The following KCNQ3 variants were observed in gnomAD, a reference collection of about 807,000 sequenced individuals.
KCNQ3 encodes potassium voltage-gated channel subfamily KQT member 3.
In KCNQ3, 30 loss-of-function variants were observed where a neutral mutation model predicts 92.5. The ratio of observed to expected loss-of-function variants is 0.32; its 90% confidence interval spans 0.24 to 0.44. The LOEUF is 0.44. Among genes scored for constraint, KCNQ3 ranks in the 20% least tolerant of loss-of-function variants. The pLI is 1.00. For missense variants in KCNQ3, 913 were observed against 1,140.3 expected, an observed-to-expected ratio of 0.80 and a Z score of 2.87; for synonymous variants, 450 against 468.8, an observed-to-expected ratio of 0.96 and a Z score of 0.52.
At chr8:132,212,610 C>G (rs1463157171) in intron 1 of KCNQ3, among the ~76,000 whole-genome samples, 1 of 151,850 alleles carries the variant, frequency 6.6e-6, no homozygotes, top group African/African-American at 2.4e-5. Context: ...AGGTCCATGT[C>G]AAGCAGAAGG....
intron 1 of KCNQ3, among the ~76,000 whole-genome samples, chr8:132,399,039 G>A (rs768179961): frequency 6.6e-6 from 1 of 152,156 alleles, no homozygotes; most frequent in Non-Finnish European, 1.5e-5. Context: ...GACAGGCATC[G>A]TAAAAGTCCA....
chr8:132,460,618 A>G (rs557593761), intron 1 of KCNQ3, among the ~76,000 whole-genome samples: 3 of 152,338 alleles, frequency 2.0e-5, no homozygotes, highest in Admixed American at 2.0e-4. Flanking sequence ...AAAGTTGCTT[A>G]GGTCAGCACC....
intron 1 of KCNQ3, among the ~76,000 whole-genome samples, chr8:132,209,654 C>A (rs1026358385): frequency 6.6e-6 from 1 of 151,948 alleles, no homozygotes. Flanking sequence ...CAGTAGAAGC[C>A]ATTCAGTACA....
intron 1 of KCNQ3, among the ~76,000 whole-genome samples, chr8:132,264,469 TG>T (rs1434667337): frequency 6.6e-6 from 1 of 152,176 alleles, no homozygotes; most frequent in African/African-American, 2.4e-5. Context: ...GTGAGTGTAG[TG>T]GGCAGGCATG....
chr8:132,359,573 T>C (rs370263632), intron 1 of KCNQ3, among the ~76,000 whole-genome samples: 3 of 152,242 alleles, frequency 2.0e-5, no homozygotes, highest in East Asian at 1.9e-4. Context: ...TGGGTACCAA[T>C]TGAATCTGCT....
chr8:132,186,432 G>A lies in KCNQ3; in HGVS notation c.387-251C>T, dbSNP rs138394110. 2.2e-3 allele frequency: 1,002 copies of A among 448,708 alleles called. 2 individuals are homozygous for A. Among genetic ancestry groups the A allele is most frequent in the Non-Finnish European group, 3.3e-3 (795 of 238,218 alleles). 27.8% of individuals were successfully genotyped at this position (448,708 alleles called of 1,614,324 possible). A position where few individuals can be genotyped will look rare whatever the true frequency, so the allele number is the denominator to read the frequency against. The stretch of plus-strand genomic sequence containing the variant: ...CTTTTACTTAACCAGCTAATTAGTA[G>A]AATCAGCTAGTTAGAATTTAAACTA... On this transcript the variant is annotated intron_variant, in intron 1 of 14. Coordinates refer to ENST00000388996, the MANE Select transcript of KCNQ3 (RefSeq NM_004519.4).
intron 1 of KCNQ3, among the ~76,000 whole-genome samples, chr8:132,235,270 TG>T (rs34137132): frequency 1.7e-5 from 2 of 114,740 alleles, no homozygotes; most frequent in Admixed American, 8.1e-5. Context: ...AGGCCAAGGG[TG>T]GGGGGGGAAT....
At chr8:132,381,258 C>A (rs1016695908) in intron 1 of KCNQ3, among the ~76,000 whole-genome samples, 7 of 152,270 alleles carry the variant, frequency 4.6e-5, no homozygotes, top group African/African-American at 1.7e-4. Flanking sequence ...GGTCTGATAC[C>A]AAAACTCATT....
At chr8:132,406,924 T>G (rs1270654335) in intron 1 of KCNQ3, among the ~76,000 whole-genome samples, 1 of 152,124 alleles carries the variant, frequency 6.6e-6, no homozygotes, top group Non-Finnish European at 1.5e-5. Flanking sequence ...CTTACTGACA[T>G]ATGAAGGACA....
intron 1 of KCNQ3, among the ~76,000 whole-genome samples, chr8:132,405,170 G>C (rs1214246387): frequency 6.6e-6 from 1 of 152,244 alleles, no homozygotes; most frequent in South Asian, 2.1e-4. Context: ...CACTGGGCAA[G>C]ATTTCAAGAA....
intron 1 of KCNQ3, among the ~76,000 whole-genome samples, chr8:132,470,164 C>A (rs2130865596): frequency 6.6e-6 from 1 of 152,278 alleles, no homozygotes; most frequent in South Asian, 2.1e-4. Flanking sequence ...TACGCAGAAT[C>A]CATGAATCCA....
At chr8:132,345,893 T>C (rs1054698996) in intron 1 of KCNQ3, among the ~76,000 whole-genome samples, 4 of 151,900 alleles carry the variant, frequency 2.6e-5, no homozygotes, top group South Asian at 2.1e-4. Context: ...GGAATGGTGA[T>C]GATGATGATG....
chr8:132,426,315 C>T (rs1821106739), intron 1 of KCNQ3, among the ~76,000 whole-genome samples: 1 of 152,254 alleles, frequency 6.6e-6, no homozygotes, highest in Admixed American at 6.5e-5. Flanking sequence ...CCCATCATGA[C>T]ACCGGCCATG....
chr8:132,326,973 A>G (rs1818073320), intron 1 of KCNQ3, among the ~76,000 whole-genome samples: 2 of 152,202 alleles, frequency 1.3e-5, no homozygotes, highest in African/African-American at 4.8e-5. Context: ...TAACACCTAC[A>G]GCCTCCGGCC....
Position 132,129,537 on chromosome 8 carries a change from T to A in KCNQ3, c.2344A>T (p.Ile782Phe), listed in dbSNP as rs1391097567. 1 of 1,614,080 alleles carries A rather than the reference T, an allele frequency of 6.2e-7. No homozygotes were observed. The highest frequency in any genetic ancestry group is 1.1e-5 in the South Asian group (1 of 91,084). ...DRISPRQRRSITRDSDTPLSL... is the reference protein window; with the variant it reads ...DRISPRQRRSFTRDSDTPLSL... ...AGAGGTGTGTCACTGTCTCGCGTGA[T>A]GCTACGTCTCTGCCGGGGGGAGATT... Residue 782 changes from isoleucine to phenylalanine, a missense_variant, in exon 15 of 15, where the codon ATC becomes TTC. By Grantham distance (21) the Ile-to-Phe change is conservative. Transcript: ENST00000388996. The surrounding 1 kb of genome is among the most constrained non-coding windows in gnomAD (Gnocchi z 5.9).
At chr8:132,278,148 G>A in intron 1 of KCNQ3, 1 of 985,184 alleles carries the variant, frequency 1.0e-6, no homozygotes, top group Non-Finnish European at 1.2e-6. Context: ...TCCCCATTTT[G>A]TACTCTGGAA....
At position 132,245,186 on chromosome 8, in the gene KCNQ3, G is replaced by A. The variant is rs76738453; in HGVS notation, c.387-59005C>T. On this transcript the variant is annotated intron_variant, in intron 1 of 14. Transcript: ENST00000388996. ...CCCTCAGTTCTTTCATTTGCAAAAC[G>A]TGAGAAATACTATCATACTTGCACC... Among the ~76,000 whole-genome samples the A allele has an allele frequency of 9.1e-3, 1,391 of 152,186 alleles. 17 individuals are homozygous for A. Among genetic ancestry groups the A allele is most frequent in the Non-Finnish European group, 0.012 (837 of 68,006 alleles).
chr8:132,215,475 G>A (rs1484997412), intron 1 of KCNQ3, among the ~76,000 whole-genome samples: 4 of 152,170 alleles, frequency 2.6e-5, no homozygotes, highest in African/African-American at 7.2e-5. Flanking sequence ...CCATAAAGAC[G>A]ATTAAGGAGG....
intron 1 of KCNQ3, among the ~76,000 whole-genome samples, chr8:132,220,848 G>A (rs757011013): frequency 2.6e-5 from 4 of 151,814 alleles, no homozygotes; most frequent in Non-Finnish European, 4.4e-5. Flanking sequence ...TAAGTTCTAG[G>A]GTACATGTGC....
Sources: allele counts gnomAD v4.1 joint callset (sites outside exome capture counted in the v4.1 genomes callset), GRCh38; gene constraint gnomAD v4.1.1; non-coding constraint Gnocchi (gnomAD v3.1); transcripts MANE v1.5; gene names NCBI Gene and HGNC (gene_info 2026-07-23, HGNC 2026-07-21).